The following MAP7 variants were observed in gnomAD, a reference collection of about 807,000 sequenced individuals.
MAP7 encodes the protein microtubule associated protein 7, also known as ensconsin.
MAP7 carries 52 observed loss-of-function variants against 94.8 expected under a neutral mutation model. The observed-to-expected ratio is 0.55, with a 90% CI of 0.44 to 0.69. The LOEUF (loss-of-function observed/expected upper bound fraction) is 0.69. Ranked by LOEUF, MAP7 falls within the 30% of genes least tolerant of loss-of-function variation. The pLI, the probability that MAP7 is intolerant of heterozygous loss-of-function variation, is 0.00. For synonymous variants in MAP7, 350 were observed against 357.0 expected (o/e 0.98, Z 0.22); for missense variants, 940 against 964.6 (o/e 0.97, Z 0.34).
intron 10 of MAP7, 21 bp downstream of exon 10, chr6:136,365,714 C>T: frequency 6.2e-7 from 1 of 1,608,728 alleles, no homozygotes; most frequent in Non-Finnish European, 8.5e-7. Context: ...GCACCCAGAC[C>T]ACAGGTGAGT....
intron 6 of MAP7, among the ~76,000 whole-genome samples, chr6:136,381,362 A>G (rs1403603813): frequency 6.6e-6 from 1 of 151,814 alleles, no homozygotes; most frequent in South Asian, 2.1e-4. Flanking sequence ...TATTTTTAGT[A>G]GAGATGGGGT....
At chr6:136,451,601 A>G (rs1801140240) in intron 1 of MAP7, among the ~76,000 whole-genome samples, 1 of 152,206 alleles carries the variant, frequency 6.6e-6, no homozygotes, top group South Asian at 2.1e-4. Context: ...CTTATTTAAG[A>G]AATAAATTTC....
Position 136,343,017 on chromosome 6 carries a change from A to AT in MAP7, c.*1210dup, listed in dbSNP as rs553171067. On this transcript the variant is annotated 3_prime_UTR_variant, in exon 18 of 18. Transcript: ENST00000354570. ...AAAGCTGCACATTACAGTGGTATAA[A>AT]TTTATCTTTTAAACACTCCACATAA... 4 of 152,482 alleles carry AT rather than the reference A, an allele frequency of 2.6e-5. No homozygotes were observed. Among genetic ancestry groups the AT allele is most frequent in the Admixed American group, 6.5e-5 (1 of 15,276 alleles). 9.4% of individuals were successfully genotyped at this position (152,482 alleles called of 1,614,324 possible). A position where few individuals can be genotyped will look rare whatever the true frequency, so the allele number is the denominator to read the frequency against.
intron 8 of MAP7, among the ~76,000 whole-genome samples, chr6:136,367,012 G>A (rs1407255363): frequency 6.6e-6 from 1 of 152,062 alleles, no homozygotes; most frequent in Admixed American, 6.6e-5. Flanking sequence ...TGATACAATA[G>A]GTGATTTTGA....
chr6:136,371,999 T>C (rs1167290304), intron 8 of MAP7, among the ~76,000 whole-genome samples: 2 of 152,224 alleles, frequency 1.3e-5, no homozygotes, highest in Non-Finnish European at 2.9e-5. Context: ...TTTGACTAAA[T>C]TTTAAGATCC....
chr6:136,398,125 TAC>T (rs2128698361), intron 3 of MAP7, among the ~76,000 whole-genome samples: 1 of 152,256 alleles, frequency 6.6e-6, no homozygotes, highest in South Asian at 2.1e-4. Flanking sequence ...CATGTAGAAA[TAC>T]ACAGTGATGC....
At chr6:136,461,732 T>C (rs1805284249) in intron 1 of MAP7, among the ~76,000 whole-genome samples, 2 of 152,192 alleles carry the variant, frequency 1.3e-5, no homozygotes, top group African/African-American at 2.4e-5. Flanking sequence ...TTGGGGTATT[T>C]TGAAGAAAAC....
chr6:136,408,279 A>C (rs922316737), intron 3 of MAP7, among the ~76,000 whole-genome samples: 1 of 152,220 alleles, frequency 6.6e-6, no homozygotes. Context: ...ACGACAGAAT[A>C]ATCTCATACA....
In MAP7 at chr6:136,344,154, T is replaced by G; in HGVS notation, c.*74A>C. ...AAAACGGGTGGAGGGGATGCTCCTT[T>G]ATAGCAGGAAAGGAATTCCATTAAT... On this transcript the variant is annotated 3_prime_UTR_variant, in exon 18 of 18. Transcript: ENST00000354570. 1 of 763,600 alleles carries G rather than the reference T, an allele frequency of 1.3e-6. No homozygotes were observed. Among genetic ancestry groups the G allele is most frequent in the South Asian group, 3.8e-5 (1 of 26,358 alleles). The allele number at this position is 763,600 out of a possible 1,614,324, so 47.3% of individuals were successfully genotyped here.
chr6:136,415,217 G>A (rs1788982384), intron 2 of MAP7, among the ~76,000 whole-genome samples: 1 of 152,098 alleles, frequency 6.6e-6, no homozygotes, highest in Admixed American at 6.5e-5. Flanking sequence ...CCACAGTGCT[G>A]GGATTACAGG....
intron 1 of MAP7, among the ~76,000 whole-genome samples, chr6:136,456,767 G>GGAGGAGGAGGAGGACGAA (rs1179338276): frequency 8.3e-5 from 5 of 60,522 alleles, no homozygotes; most frequent in African/African-American, 3.7e-4. Flanking sequence ...AGGAGGAGGA[G>GGAGGAGGAGGAGGACGAA]GAAGAAGAAG....
At chr6:136,473,703 A>G (rs1324414821) in intron 1 of MAP7, among the ~76,000 whole-genome samples, 1 of 152,190 alleles carries the variant, frequency 6.6e-6, no homozygotes, top group African/African-American at 2.4e-5. Context: ...AAACTTTATC[A>G]ATGTCTGAAG....
intron 3 of MAP7, among the ~76,000 whole-genome samples, chr6:136,400,463 G>C (rs545257895): frequency 1.4e-5 from 2 of 147,344 alleles, no homozygotes; most frequent in Admixed American, 6.7e-5. Context: ...TTTAAAAAAA[G>C]CCAGATGGAC....
intron 1 of MAP7, among the ~76,000 whole-genome samples, chr6:136,521,111 T>A (rs1826287985): frequency 6.6e-6 from 1 of 152,216 alleles, no homozygotes; most frequent in African/African-American, 2.4e-5. Flanking sequence ...AGCTGATGAC[T>A]GCTTTGAAGA....
intron 7 of MAP7, among the ~76,000 whole-genome samples, chr6:136,374,527 G>A (rs146010826): frequency 3.2e-4 from 48 of 152,278 alleles, no homozygotes; most frequent in African/African-American, 1.0e-3. Flanking sequence ...CTGCTTGGAG[G>A]CCATGGGTCT....
At chr6:136,399,597 T>A (rs1345147636) in intron 3 of MAP7, among the ~76,000 whole-genome samples, 2 of 152,032 alleles carry the variant, frequency 1.3e-5, no homozygotes, top group Non-Finnish European at 2.9e-5. Flanking sequence ...CAAGCAATCC[T>A]CCTGCCTTGG....
chr6:136,390,479 A>G (rs1780389019), intron 3 of MAP7, among the ~76,000 whole-genome samples: 1 of 152,072 alleles, frequency 6.6e-6, no homozygotes, highest in Non-Finnish European at 1.5e-5. Context: ...ATAGTGAAAC[A>G]ACATCTCTAC....
intron 3 of MAP7, among the ~76,000 whole-genome samples, chr6:136,409,350 C>T (rs573442463): frequency 7.2e-5 from 11 of 152,168 alleles, no homozygotes; most frequent in Admixed American, 4.6e-4. Context: ...CTGTGAACAG[C>T]TATTGCAGTC....
At chr6:136,380,580 C>G (rs1582734844) in intron 6 of MAP7, among the ~76,000 whole-genome samples, 1 of 152,186 alleles carries the variant, frequency 6.6e-6, no homozygotes, top group Non-Finnish European at 1.5e-5. Context: ...TTTTCTTACT[C>G]TTTTCCAACT....
Sources: gnomAD v4.1 joint callset for allele counts (sites outside exome capture counted in the v4.1 genomes callset) on GRCh38, gnomAD v4.1.1 for gene constraint, MANE v1.5 for transcripts, NCBI Gene and HGNC (gene_info 2026-07-23, HGNC 2026-07-21) for gene names.